The following NIPAL2 variants were observed in gnomAD, a reference collection of about 807,000 sequenced individuals.
The protein encoded by NIPAL2 is NIPA-like protein 2.
Under a neutral mutation model 48.9 loss-of-function variants are expected in NIPAL2, and 43 were observed. That is an observed-to-expected ratio of 0.88 (90% CI 0.69 to 1.13). The LOEUF (loss-of-function observed/expected upper bound fraction) is 1.13, where lower values mean the gene tolerates loss of function less well. NIPAL2 is among the 50% of genes most tolerant of loss of function. NIPAL2 has a pLI of 0.00. For missense variants in NIPAL2, 446 were observed against 461.4 expected, an observed-to-expected ratio of 0.97 and a Z score of 0.31; for synonymous variants, 167 against 174.6, an observed-to-expected ratio of 0.96 and a Z score of 0.34.
intron 1 of NIPAL2, among the ~76,000 whole-genome samples, chr8:98,273,845 ACTGT>A (rs1224319783): frequency 6.6e-6 from 1 of 152,042 alleles, no homozygotes; most frequent in Non-Finnish European, 1.5e-5. Context: ...CTCTAAGTAC[ACTGT>A]CTGTCTCAGC....
chr8:98,271,423 G>A (rs1003089612), intron 1 of NIPAL2, among the ~76,000 whole-genome samples: 1 of 152,026 alleles, frequency 6.6e-6, no homozygotes, highest in African/African-American at 2.4e-5. Context: ...TCCTTAGTTA[G>A]ATGTATTCCT....
rs59700892 is a variant in NIPAL2, at chr8:98,233,340, A to ATGTGTGTG, written c.436+2807_436+2814dup. Among the ~76,000 whole-genome samples the ATGTGTGTG allele has an allele frequency of 4.0e-5, 6 of 149,818 alleles. No individual in the cohort carries two copies. The East Asian group carries it at 5.9e-4, about 15-fold the overall frequency. ...TTTATTTTGTTAGTTTGTTTTCTTG[A>ATGTGTGTG]TGTGTGTGTGTGTGTGTGTGTGTGT... On this transcript the variant is annotated intron_variant, in intron 4 of 10. Coordinates refer to ENST00000430223, the MANE Select transcript of NIPAL2 (RefSeq NM_001321635.2).
At chr8:98,266,934 G>C (rs1413713880) in intron 1 of NIPAL2, among the ~76,000 whole-genome samples, 4 of 151,818 alleles carry the variant, frequency 2.6e-5, no homozygotes, top group Admixed American at 2.0e-4. Flanking sequence ...TTGTTTATCT[G>C]TATCTAAAAT....
chr8:98,209,445 C>CAAAAAAAAAAAAAAAAAAAAAA (rs33923448), intron 6 of NIPAL2, among the ~76,000 whole-genome samples: 5 of 70,502 alleles, frequency 7.1e-5, no homozygotes, highest in African/African-American at 3.1e-4. Flanking sequence ...CCTGTCTCTC[C>CAAAAAAAAAAAAAAAAAAAAAA]AAAAAAAAAA....
intron 8 of NIPAL2, 55 bp downstream of exon 8, chr8:98,203,053 G>A (rs1810877271): frequency 7.5e-7 from 1 of 1,332,002 alleles, no homozygotes; most frequent in Non-Finnish European, 1.1e-6. Flanking sequence ...CATTTACTCT[G>A]GGAGAAACTT....
intron 3 of NIPAL2, among the ~76,000 whole-genome samples, chr8:98,247,475 C>A (rs1240651105): frequency 2.0e-5 from 3 of 152,130 alleles, no homozygotes; most frequent in African/African-American, 4.8e-5. Context: ...GTTGGGCGGG[C>A]TGTGTAAGTT....
chr8:98,284,919 A>C (rs1816070475), intron 1 of NIPAL2, among the ~76,000 whole-genome samples: 1 of 152,088 alleles, frequency 6.6e-6, no homozygotes, highest in African/African-American at 2.4e-5. Context: ...AGAGGACACT[A>C]CCTTTGCCAT....
intron 2 of NIPAL2, among the ~76,000 whole-genome samples, chr8:98,253,002 T>C (rs1813677793): frequency 6.6e-6 from 1 of 152,072 alleles, no homozygotes; most frequent in African/African-American, 2.4e-5. Context: ...GGTATGTGAA[T>C]CCTCCTTTTG....
At position 98,291,436 on chromosome 8, in the gene NIPAL2, C is replaced by G. The variant is rs188519409; in HGVS notation, c.135+2567G>C. 3.3e-5 allele frequency among the ~76,000 whole-genome samples: 5 copies of G among 152,308 alleles called. No homozygotes were observed. In the East Asian group the frequency reaches 7.7e-4, roughly 24 times the overall value. On this transcript the variant is annotated intron_variant, in intron 1 of 10. Transcript: ENST00000430223. ...CAAATACCACCTCTCCACAAAACAT[C>G]CCTGATGGCCCAGCCAAATGCCCCT...
At chr8:98,224,657 G>A (rs180809303) in intron 4 of NIPAL2, among the ~76,000 whole-genome samples, 1 of 151,316 alleles carries the variant, frequency 6.6e-6, no homozygotes, top group Admixed American at 6.6e-5. Flanking sequence ...TACGTAGGAG[G>A]TGTATATATT....
At chr8:98,199,408 T>C (rs1209930478) in intron 8 of NIPAL2, among the ~76,000 whole-genome samples, 4 of 152,184 alleles carry the variant, frequency 2.6e-5, no homozygotes, top group Non-Finnish European at 5.9e-5. Flanking sequence ...GATGCTTCCT[T>C]TCATCTGAAC....
chr8:98,276,782 CT>C (rs59806433), intron 1 of NIPAL2, among the ~76,000 whole-genome samples: 17 of 138,520 alleles, frequency 1.2e-4, no homozygotes, highest in East Asian at 4.2e-4. Context: ...TTTCTTTTTT[CT>C]TTTTTTTTTG....
intron 3 of NIPAL2, among the ~76,000 whole-genome samples, chr8:98,244,176 G>A (rs1009870660): frequency 2.7e-5 from 4 of 147,570 alleles, no homozygotes; most frequent in African/African-American, 7.5e-5. Context: ...ATGCCTATAA[G>A]GGCCTTTAAG....
At chr8:98,235,525 A>G (rs1812665139) in intron 4 of NIPAL2, among the ~76,000 whole-genome samples, 1 of 152,158 alleles carries the variant, frequency 6.6e-6, no homozygotes, top group Non-Finnish European at 1.5e-5. Flanking sequence ...TTTCATTTTT[A>G]TGCAATACTT....
chr8:98,254,841 T>C (rs1813784058), intron 1 of NIPAL2, among the ~76,000 whole-genome samples: 1 of 152,196 alleles, frequency 6.6e-6, no homozygotes, highest in Middle Eastern at 3.2e-3. Context: ...ATGCCACTGC[T>C]CTCCTAGGTC....
chr8:98,286,827 A>G (rs941588426), intron 1 of NIPAL2, among the ~76,000 whole-genome samples: 5 of 149,366 alleles, frequency 3.3e-5, no homozygotes, highest in Non-Finnish European at 5.9e-5. Context: ...AAAAAAAAAA[A>G]AAAAAAACCA....
chr8:98,243,592 C>T (rs1285937074), intron 3 of NIPAL2, among the ~76,000 whole-genome samples: 1 of 152,198 alleles, frequency 6.6e-6, no homozygotes, highest in African/African-American at 2.4e-5. Context: ...ACTTGATGCT[C>T]TAAGACCCAT....
At chr8:98,236,720 C>T (rs1812733442) in intron 3 of NIPAL2, among the ~76,000 whole-genome samples, 1 of 151,680 alleles carries the variant, frequency 6.6e-6, no homozygotes, top group South Asian at 2.1e-4. Flanking sequence ...GGCATGGTGG[C>T]GTGGGCCTGT....
chr8:98,242,220 C>A (rs1168926677), intron 3 of NIPAL2, among the ~76,000 whole-genome samples: 1 of 152,172 alleles, frequency 6.6e-6, no homozygotes, highest in Non-Finnish European at 1.5e-5. Flanking sequence ...CCTTCTGTTG[C>A]CCAGGCTGGA....
Sources: gnomAD v4.1 joint callset for allele counts (sites outside exome capture counted in the v4.1 genomes callset) on GRCh38, gnomAD v4.1.1 for gene constraint, MANE v1.5 for transcripts, NCBI Gene and HGNC (gene_info 2026-07-23, HGNC 2026-07-21) for gene names.